ME2: variants seen among roughly 807,000 people sequenced by gnomAD.
ME2 encodes the protein malic enzyme 2.
Under a neutral mutation model 73.7 loss-of-function variants are expected in ME2, and 60 were observed. The observed-to-expected ratio is 0.81, with a 90% CI of 0.66 to 1.01. ME2 has a LOEUF of 1.01. ME2 is among the 50% of genes least tolerant of loss of function. The pLI, the probability that ME2 is intolerant of heterozygous loss-of-function variation, is 0.00. For synonymous variants in ME2, 199 were observed against 236.9 expected, an observed-to-expected ratio of 0.84 and a Z score of 1.47; for missense variants, 594 against 705.5, an observed-to-expected ratio of 0.84 and a Z score of 1.79.
chr18:50,911,121 T>C (rs954295539), intron 3 of ME2, among the ~76,000 whole-genome samples: 32 of 152,158 alleles, frequency 2.1e-4, no homozygotes, highest in African/African-American at 7.0e-4. Context: ...AGTGGTAACA[T>C]TGAGGAGATC....
intron 13 of ME2, chr18:50,939,066 C>T (rs1917879435): frequency 6.7e-6 from 1 of 148,350 alleles, no homozygotes; most frequent in African/African-American, 2.5e-5. Context: ...ATATTTACTC[C>T]TACAGGAAAG....
chr18:50,916,906 G>A (rs1292745183), intron 5 of ME2: 1 of 152,722 alleles, frequency 6.5e-6, no homozygotes, highest in Non-Finnish European at 1.5e-5. Context: ...TTATAAGTAG[G>A]TATTTTTTTT....
At chr18:50,882,730 C>T (rs908269198) in intron 1 of ME2, among the ~76,000 whole-genome samples, 1 of 152,156 alleles carries the variant, frequency 6.6e-6, no homozygotes, top group Admixed American at 6.5e-5. Context: ...GGATGGATCA[C>T]TTGAGGTCAG....
intron 2 of ME2, among the ~76,000 whole-genome samples, chr18:50,905,809 T>G (rs1238635528): frequency 6.6e-6 from 1 of 152,188 alleles, no homozygotes; most frequent in Admixed American, 6.5e-5. Flanking sequence ...TCAGAGAGAA[T>G]AGATTGTAAA....
At chr18:50,939,985 G>A in intron 14 of ME2, 1 of 422,618 alleles carries the variant, frequency 2.4e-6, no homozygotes, top group Non-Finnish European at 4.2e-6. Context: ...AGACTTTGAA[G>A]TATTTCTGAA....
rs1256941066 is a variant in ME2 at position 50,948,016 on chromosome 18, C to T, written c.*832C>T. ...AAGATACCTAATCATATGGGAACAT[C>T]ACGTGACTTTTTAAATCTAAATTAG... On this transcript the variant is annotated 3_prime_UTR_variant, in exon 16 of 16. Coordinates refer to ENST00000321341, the MANE Select transcript of ME2 (RefSeq NM_002396.5). 2.0e-5 allele frequency: 3 copies of T among 152,160 alleles called. No homozygotes were observed. The highest frequency in any genetic ancestry group is 7.2e-5 in the African/African-American group (3 of 41,424). The allele number at this position is 152,160 out of a possible 1,614,324, so 9.4% of individuals were successfully genotyped here. A position where few individuals can be genotyped will look rare whatever the true frequency, so the allele number is the denominator to read the frequency against.
chr18:50,919,698 G>C (rs1482147045), intron 7 of ME2, among the ~76,000 whole-genome samples: 2 of 151,968 alleles, frequency 1.3e-5, no homozygotes, highest in East Asian at 3.8e-4. Context: ...TATGAGCTAC[G>C]TATCACTGGC....
At chr18:50,924,460 C>T (rs934170025) in intron 11 of ME2, among the ~76,000 whole-genome samples, 7 of 151,998 alleles carry the variant, frequency 4.6e-5, no homozygotes, top group African/African-American at 1.7e-4. Context: ...GACTGTTGGA[C>T]TCAAAACATG....
At position 50,879,282 on chromosome 18, in the gene ME2, A is replaced by G. The variant is rs888651541; in HGVS notation, c.-39A>G. On this transcript the variant is annotated 5_prime_UTR_variant, in exon 1 of 16. Transcript: ENST00000321341. ...AGGGCGCGGCCTCTCCGCCGGGTGT[A>G]CCACCTGTCGCGGCGCGAGACCTCT... 1.6e-4 allele frequency: 24 copies of G among 152,096 alleles called. No homozygotes were observed. Among genetic ancestry groups the G allele is most frequent in the African/African-American group, 4.6e-4 (19 of 41,512 alleles). 9.4% of individuals were successfully genotyped at this position (152,096 alleles called of 1,614,324 possible).
chr18:50,902,144 G>A (rs1311983018), intron 2 of ME2, among the ~76,000 whole-genome samples: 3 of 152,088 alleles, frequency 2.0e-5, no homozygotes, highest in East Asian at 1.9e-4. Flanking sequence ...AACTTAATTC[G>A]AGAAGGAGTG....
chr18:50,925,708 T>C, intron 11 of ME2, 48 bp from the exon 12 acceptor site: 2 of 1,562,882 alleles, frequency 1.3e-6, no homozygotes, highest in East Asian at 4.5e-5. Flanking sequence ...TAAGCATTGC[T>C]TTTATACCTA....
chr18:50,944,058 A>C (rs1918026001), intron 15 of ME2, among the ~76,000 whole-genome samples: 1 of 152,092 alleles, frequency 6.6e-6, no homozygotes, highest in Non-Finnish European at 1.5e-5. Context: ...CTCTACCAAA[A>C]AAAAAATTAG....
chr18:50,929,578 A>T (rs936919630), intron 12 of ME2, among the ~76,000 whole-genome samples: 3 of 151,998 alleles, frequency 2.0e-5, no homozygotes, highest in African/African-American at 4.8e-5. Flanking sequence ...CCACTCCATT[A>T]GTCAAAATAA....
chr18:50,930,551 A>G (rs1032135839), intron 12 of ME2, among the ~76,000 whole-genome samples: 1 of 152,172 alleles, frequency 6.6e-6, no homozygotes, highest in African/African-American at 2.4e-5. Context: ...CGTTTAAGCC[A>G]TGGATTAATT....
At chr18:50,928,655 G>A (rs978517593) in intron 12 of ME2, among the ~76,000 whole-genome samples, 8 of 152,284 alleles carry the variant, frequency 5.3e-5, no homozygotes, top group African/African-American at 1.4e-4. Context: ...CAAGTAGATC[G>A]CCATAATCCA....
At chr18:50,928,404 A>AT (rs1917615548) in intron 12 of ME2, among the ~76,000 whole-genome samples, 1 of 151,066 alleles carries the variant, frequency 6.6e-6, no homozygotes, top group Non-Finnish European at 1.5e-5. Flanking sequence ...TGCCCGGCTA[A>AT]TTTTTTTGTA....
At chr18:50,881,059 G>C (rs1916308801) in intron 1 of ME2, among the ~76,000 whole-genome samples, 1 of 152,126 alleles carries the variant, frequency 6.6e-6, no homozygotes. Context: ...ACGGAGTTTT[G>C]CTCTTGTTGC....
chr18:50,885,019 T>C (rs939959773), intron 1 of ME2, among the ~76,000 whole-genome samples: 11 of 152,236 alleles, frequency 7.2e-5, no homozygotes, highest in Admixed American at 1.3e-4. Flanking sequence ...CACACCCAGC[T>C]AATTTTTTGT....
At position 50,903,153 on chromosome 18, in the gene ME2, A is replaced by G. The variant is rs188779704; in HGVS notation, c.109-4910A>G. Among the ~76,000 whole-genome samples the G allele has an allele frequency of 3.9e-4, 60 of 152,286 alleles. 1 individual carries two copies. The highest frequency in any genetic ancestry group is 2.6e-3 in the Admixed American group (40 of 15,290). ...AGTGGCAAAGGGAGATGGAGAAAGT[A>G]GGAGAAGAGTAGATAAGAGGATGAT... On this transcript the variant is annotated intron_variant, in intron 2 of 15. Transcript: ENST00000321341.
Sources: allele counts gnomAD v4.1 joint callset (sites outside exome capture counted in the v4.1 genomes callset), GRCh38; gene constraint gnomAD v4.1.1; transcripts MANE v1.5; gene names NCBI Gene and HGNC (gene_info 2026-07-23, HGNC 2026-07-21).